The following ADAM32 variants were observed in gnomAD, a reference collection of about 807,000 sequenced individuals.
ADAM32 encodes ADAM metallopeptidase domain 32.
Under a neutral mutation model 114.9 loss-of-function variants are expected in ADAM32, and 89 were observed. The observed-to-expected ratio is 0.77, with a 90% confidence interval of 0.65 to 0.92. ADAM32 has a LOEUF of 0.92. Ranked by LOEUF, ADAM32 falls within the 40% of genes least tolerant of loss-of-function variation. The pLI is 0.00. For synonymous variants in ADAM32, 285 were observed against 307.5 expected (o/e 0.93, Z 0.77); for missense variants, 870 against 932.8 (o/e 0.93, Z 0.88).
intron 1 of ADAM32, among the ~76,000 whole-genome samples, chr8:39,116,037 A>G (rs1215833268): frequency 1.3e-5 from 2 of 152,192 alleles, no homozygotes; most frequent in African/African-American, 4.8e-5. Flanking sequence ...CAAAGATCAG[A>G]TGGTTATAGG....
At chr8:39,178,205 T>C (rs375970132) in intron 10 of ADAM32, among the ~76,000 whole-genome samples, 27 of 152,328 alleles carry the variant, frequency 1.8e-4, no homozygotes, top group East Asian at 1.5e-3. Context: ...AGAGGTTTTG[T>C]TAATTCCTTT....
At chr8:39,217,092 T>C (rs1371927357) in intron 12 of ADAM32, among the ~76,000 whole-genome samples, 1 of 113,580 alleles carries the variant, frequency 8.8e-6, no homozygotes, top group African/African-American at 3.2e-5. Flanking sequence ...TATTTCTCCA[T>C]TATGTTTAAA....
intron 10 of ADAM32, among the ~76,000 whole-genome samples, chr8:39,185,223 C>T (rs562370159): frequency 1.9e-4 from 28 of 150,358 alleles, no homozygotes; most frequent in Non-Finnish European, 3.2e-4. Context: ...CAAGATCATG[C>T]CATTGCACTC....
chr8:39,203,856 G>A (rs1387598547), intron 11 of ADAM32, among the ~76,000 whole-genome samples: 3 of 152,102 alleles, frequency 2.0e-5, no homozygotes, highest in African/African-American at 7.2e-5. Flanking sequence ...GCATTTGCTT[G>A]TCTGTAAAGG....
chr8:39,189,178 C>T (rs1308646407), intron 11 of ADAM32, among the ~76,000 whole-genome samples: 1 of 152,116 alleles, frequency 6.6e-6, no homozygotes, highest in Non-Finnish European at 1.5e-5. Flanking sequence ...TAGGCATTAT[C>T]CCTATTATGC....
At chr8:39,165,738 A>T (rs1274251453) in intron 9 of ADAM32, 1 of 152,050 alleles carries the variant, frequency 6.6e-6, no homozygotes, top group African/African-American at 2.4e-5. Context: ...GAAACTATAC[A>T]TGTCTATATA....
At chr8:39,265,624 AG>A (rs1812302995) in intron 19 of ADAM32, among the ~76,000 whole-genome samples, 1 of 152,112 alleles carries the variant, frequency 6.6e-6, no homozygotes, top group South Asian at 2.1e-4. Flanking sequence ...TTGTGGTGGC[AG>A]GTAGCTGGTT....
At chr8:39,167,895 C>G (rs920452703) in intron 9 of ADAM32, 3 of 151,892 alleles carry the variant, frequency 2.0e-5, no homozygotes, top group Non-Finnish European at 4.4e-5. Context: ...ATCTTGTATC[C>G]GGAAACTTTG....
intron 12 of ADAM32, among the ~76,000 whole-genome samples, chr8:39,219,669 C>T (rs1808820365): frequency 6.6e-6 from 1 of 152,146 alleles, no homozygotes; most frequent in Non-Finnish European, 1.5e-5. Context: ...GACATTCTTT[C>T]CCACCCTCTT....
intron 2 of ADAM32, among the ~76,000 whole-genome samples, chr8:39,126,874 A>G (rs1449501937): frequency 6.6e-6 from 1 of 152,192 alleles, no homozygotes; most frequent in Non-Finnish European, 1.5e-5. Context: ...GGTTTTTAAC[A>G]TGAAGCAATA....
At chr8:39,175,638 C>CT (rs1424057203) in intron 10 of ADAM32, among the ~76,000 whole-genome samples, 1 of 152,026 alleles carries the variant, frequency 6.6e-6, no homozygotes, top group African/African-American at 2.4e-5. Flanking sequence ...CTGAAGTTTT[C>CT]TTTTTTTGTT....
chr8:39,250,467 C>T (rs1811218676), intron 17 of ADAM32, among the ~76,000 whole-genome samples: 1 of 151,884 alleles, frequency 6.6e-6, no homozygotes, highest in Non-Finnish European at 1.5e-5. Flanking sequence ...CTACACTGCC[C>T]ATCTGTTCTT....
At chr8:39,253,061 A>G (rs1239766145) in intron 17 of ADAM32, among the ~76,000 whole-genome samples, 2 of 151,698 alleles carry the variant, frequency 1.3e-5, no homozygotes, top group Admixed American at 6.6e-5. Flanking sequence ...GCAAGACATT[A>G]ACAAACTATA....
At chr8:39,276,172 T>G (rs1813059271) in intron 22 of ADAM32, 3 of 264,256 alleles carry the variant, frequency 1.1e-5, no homozygotes, top group Admixed American at 1.1e-4. Context: ...TTTGTATTCT[T>G]TTTCTTGGAG....
At chr8:39,227,807 G>C (rs867782399) in intron 14 of ADAM32, among the ~76,000 whole-genome samples, 38 of 152,096 alleles carry the variant, frequency 2.5e-4, no homozygotes, top group African/African-American at 8.7e-4. Flanking sequence ...CCCACCACTG[G>C]TCCCTCTCCA....
chr8:39,255,085 G>A (rs1241108569), intron 18 of ADAM32, among the ~76,000 whole-genome samples: 2 of 151,854 alleles, frequency 1.3e-5, no homozygotes, highest in Non-Finnish European at 3.0e-5. Flanking sequence ...ATTCCATGGT[G>A]TATATATACA....
chr8:39,193,012 G>T (rs1806705980), intron 11 of ADAM32, among the ~76,000 whole-genome samples: 1 of 152,154 alleles, frequency 6.6e-6, no homozygotes, highest in African/African-American at 2.4e-5. Context: ...ATTTTCTTGT[G>T]AAGCATATTG....
At chr8:39,177,268 C>T (rs940790683) in intron 10 of ADAM32, among the ~76,000 whole-genome samples, 1 of 152,124 alleles carries the variant, frequency 6.6e-6, no homozygotes, top group South Asian at 2.1e-4. Context: ...ACTATGTTGG[C>T]CAGGCTGGTC....
chr8:39,185,004 C>G (rs1806128153), intron 10 of ADAM32, among the ~76,000 whole-genome samples: 1 of 152,098 alleles, frequency 6.6e-6, no homozygotes, highest in African/African-American at 2.4e-5. Flanking sequence ...TGGCTCATGC[C>G]TTTAATCCCA....
Sources: allele counts gnomAD v4.1 joint callset (sites outside exome capture counted in the v4.1 genomes callset), GRCh38; gene constraint gnomAD v4.1.1; transcripts MANE v1.5; gene names NCBI Gene and HGNC (gene_info 2026-07-23, HGNC 2026-07-21).